The following KCNH7 variants were observed in gnomAD, a reference collection of about 807,000 sequenced individuals.
The protein encoded by KCNH7 is voltage-gated inwardly rectifying potassium channel KCNH7.
KCNH7 carries 49 observed loss-of-function variants against 120.8 expected under a neutral mutation model. The observed-to-expected ratio is 0.41, with a 90% CI of 0.32 to 0.51. The LOEUF (loss-of-function observed/expected upper bound fraction) is 0.51, where lower values mean the gene tolerates loss of function less well. Ranked by LOEUF, KCNH7 falls within the 20% of genes least tolerant of loss-of-function variation. KCNH7 has a pLI of 0.38. For synonymous variants in KCNH7, 547 were observed against 516.1 expected (o/e 1.06, Z -0.81); for missense variants, 1,097 against 1,446.6 (o/e 0.76, Z 3.92).
intron 2 of KCNH7, among the ~76,000 whole-genome samples, chr2:162,834,444 A>G (rs913986794): frequency 6.6e-6 from 1 of 152,114 alleles, no homozygotes; most frequent in African/African-American, 2.4e-5. Context: ...AGATATTCAA[A>G]TCCTTGAAGA....
chr2:162,471,392 G>T (rs1169601416), intron 6 of KCNH7, among the ~76,000 whole-genome samples: 2 of 152,158 alleles, frequency 1.3e-5, no homozygotes, highest in African/African-American at 4.8e-5. Context: ...CTATATGTGT[G>T]CATTTGTGTG....
chr2:162,596,570 C>G (rs763715611), intron 2 of KCNH7, among the ~76,000 whole-genome samples: 1 of 151,976 alleles, frequency 6.6e-6, no homozygotes, highest in Non-Finnish European at 1.5e-5. Context: ...TGAATTAAAG[C>G]CTTAAGTGTA....
At chr2:162,374,096 C>T (rs577574929) in intron 14 of KCNH7, among the ~76,000 whole-genome samples, 16 of 152,284 alleles carry the variant, frequency 1.1e-4, no homozygotes, top group Non-Finnish European at 2.4e-4. Context: ...AGGATAATTT[C>T]TTATGTGTTT....
intron 6 of KCNH7, among the ~76,000 whole-genome samples, chr2:162,461,749 C>G (rs1180062689): frequency 1.3e-5 from 2 of 152,112 alleles, no homozygotes; most frequent in Non-Finnish European, 2.9e-5. Flanking sequence ...TTTGTAAAAG[C>G]CCTCAAACAC....
chr2:162,674,220 G>A (rs952007957), intron 2 of KCNH7, among the ~76,000 whole-genome samples: 4 of 151,776 alleles, frequency 2.6e-5, no homozygotes, highest in African/African-American at 9.7e-5. Context: ...ATATACTAGA[G>A]ATAAAAGTGT....
At chr2:162,718,785 T>A (rs1357774255) in intron 2 of KCNH7, among the ~76,000 whole-genome samples, 1 of 152,064 alleles carries the variant, frequency 6.6e-6, no homozygotes, top group Admixed American at 6.6e-5. Flanking sequence ...AGTCTCCACA[T>A]ATCCTTTAAT....
Position 162,715,946 on chromosome 2 carries a change from T to TTGTGTGTGTGTG in KCNH7, c.307+120579_307+120590dup, listed in dbSNP as rs55649777. Among the ~76,000 whole-genome samples, 105 of 146,492 alleles carry TTGTGTGTGTGTG rather than the reference T, an allele frequency of 7.2e-4. 1 individual carries two copies. The highest frequency in any genetic ancestry group is 2.2e-3 in the African/African-American group (90 of 40,498). ...GATCTTTCCATCTGGGAGCATGTCT[T>TTGTGTGTGTGTG]TGTGTGTGTGTGTGTGTGTGTGTGT... On this transcript the variant is annotated intron_variant, in intron 2 of 15. Transcript: ENST00000332142.
At chr2:162,378,981 G>C (rs558186751) in intron 14 of KCNH7, among the ~76,000 whole-genome samples, 8 of 152,338 alleles carry the variant, frequency 5.3e-5, no homozygotes, top group Admixed American at 2.0e-4. Flanking sequence ...GTGTAAGTCA[G>C]AATTGGGGTA....
intron 9 of KCNH7, among the ~76,000 whole-genome samples, chr2:162,410,176 A>G (rs1687342663): frequency 6.6e-6 from 1 of 152,056 alleles, no homozygotes; most frequent in African/African-American, 2.4e-5. Flanking sequence ...CCAACTTCAA[A>G]CTATACTACA....
intron 6 of KCNH7, among the ~76,000 whole-genome samples, chr2:162,483,421 C>G (rs1253096248): frequency 6.6e-6 from 1 of 152,052 alleles, no homozygotes; most frequent in Non-Finnish European, 1.5e-5. Context: ...TTCAATTTCA[C>G]ATAGAATGGA....
chr2:162,831,032 T>G (rs1309171370), intron 2 of KCNH7, among the ~76,000 whole-genome samples: 1 of 152,198 alleles, frequency 6.6e-6, no homozygotes, highest in Non-Finnish European at 1.5e-5. Flanking sequence ...GTTTAATGAC[T>G]GAAAACAAGT....
intron 2 of KCNH7, among the ~76,000 whole-genome samples, chr2:162,807,730 T>A (rs1346407668): frequency 6.6e-6 from 1 of 152,102 alleles, no homozygotes; most frequent in East Asian, 1.9e-4. Context: ...TCGCCCAGAC[T>A]GGAGTGCAGT....
At chr2:162,690,398 T>G (rs572040710) in intron 2 of KCNH7, among the ~76,000 whole-genome samples, 7 of 152,062 alleles carry the variant, frequency 4.6e-5, no homozygotes, top group Non-Finnish European at 1.0e-4. Context: ...AAAAAAAAGT[T>G]TTTAGTGCCT....
intron 2 of KCNH7, among the ~76,000 whole-genome samples, chr2:162,748,873 CTT>C (rs1208616826): frequency 4.6e-5 from 4 of 87,692 alleles, no homozygotes; most frequent in Non-Finnish European, 6.5e-5. Context: ...TCCCCTCCCC[CTT>C]CCCCTCCCTC....
intron 8 of KCNH7, 139 bp downstream of exon 8, chr2:162,435,059 T>C: frequency 1.3e-6 from 1 of 770,340 alleles, no homozygotes; most frequent in Non-Finnish European, 2.0e-6. Flanking sequence ...TTTGATGGAA[T>C]ACAGTACCCA....
At chr2:162,522,607 T>A (rs1691570354) in intron 3 of KCNH7, among the ~76,000 whole-genome samples, 1 of 151,842 alleles carries the variant, frequency 6.6e-6, no homozygotes, top group African/African-American at 2.4e-5. Context: ...GTAAGTTAAG[T>A]CTTCAGATTT....
At chr2:162,586,377 G>A (rs1157157604) in intron 2 of KCNH7, among the ~76,000 whole-genome samples, 1 of 151,984 alleles carries the variant, frequency 6.6e-6, no homozygotes, top group African/African-American at 2.4e-5. Flanking sequence ...GAACCACGTG[G>A]GGAGAAAGGC....
chr2:162,782,698 A>G (rs922032842), intron 2 of KCNH7, among the ~76,000 whole-genome samples: 1 of 152,236 alleles, frequency 6.6e-6, no homozygotes, highest in African/African-American at 2.4e-5. Context: ...CAAGAAAAGC[A>G]ATGATTCTGA....
chr2:162,809,947 G>A lies in KCNH7; in HGVS notation c.307+26590C>T, dbSNP rs1366192984. ...TTTTTTTTTTTTGAGACGGAGTCTC[G>A]CTCTGTCGCCCAGGCTGGAGTGCAG... On this transcript the variant is annotated intron_variant, in intron 2 of 15. Transcript: ENST00000332142. Among the ~76,000 whole-genome samples, 3 of 15,054 alleles carry A rather than the reference G, an allele frequency of 2.0e-4. 1 individual carries two copies. The highest frequency in any genetic ancestry group is 4.7e-4 in the Non-Finnish European group (3 of 6,338). The allele number at this position is 15,054 out of a possible 152,430, so 9.9% of individuals were successfully genotyped here. A position where few individuals can be genotyped will look rare whatever the true frequency, so the allele number is the denominator to read the frequency against.
Sources: allele counts gnomAD v4.1 joint callset (sites outside exome capture counted in the v4.1 genomes callset), GRCh38; gene constraint gnomAD v4.1.1; transcripts MANE v1.5; gene names NCBI Gene and HGNC (gene_info 2026-07-23, HGNC 2026-07-21).